Variants in TTC33 observed in about 807,000 individuals in gnomAD.
The protein encoded by TTC33 is tetratricopeptide repeat protein 33.
A neutral mutation model predicts 29.4 loss-of-function variants in TTC33; 24 were observed. That is an observed-to-expected ratio of 0.82 (90% CI 0.59 to 1.15). TTC33 has a LOEUF of 1.15. Ranked by LOEUF, TTC33 falls within the 50% of genes most tolerant of loss-of-function variation. The pLI is 0.00. For missense variants in TTC33, 286 were observed against 310.4 expected (o/e 0.92, Z 0.59); for synonymous variants, 107 against 100.3 (o/e 1.07, Z -0.40).
intron 4 of TTC33, among the ~76,000 whole-genome samples, chr5:40,722,216 T>C (rs768412344): frequency 2.3e-4 from 35 of 151,466 alleles, no homozygotes; most frequent in African/African-American, 7.5e-4. Flanking sequence ...ACTCGCTCAC[T>C]CAGTGCTCAA....
Position 40,713,341 on chromosome 5 carries a change from T to C in TTC33, c.*2804A>G, listed in dbSNP as rs1277155280. On this transcript the variant is annotated 3_prime_UTR_variant, in exon 5 of 5. Transcript: ENST00000337702. ...CAAGCTTTTGAATCATTATGTAATTTTCAAACAACTAAAAGGGCTATACTG... is the reference window on the plus strand; with the variant it reads ...CAAGCTTTTGAATCATTATGTAATTCTCAAACAACTAAAAGGGCTATACTG... Among the ~76,000 whole-genome samples the C allele has an allele frequency of 6.6e-6, 1 of 152,156 alleles. No individual in the cohort carries two copies. The highest frequency in any genetic ancestry group is 1.9e-4 in the East Asian group (1 of 5,192).
chr5:40,750,288 G>A (rs930415238), intron 1 of TTC33, among the ~76,000 whole-genome samples: 8 of 151,406 alleles, frequency 5.3e-5, no homozygotes, highest in African/African-American at 9.7e-5. Context: ...AGACAACAGC[G>A]GTCAGGCATG....
chr5:40,713,406 TTTAAAAAATC>T lies in TTC33; in HGVS notation c.*2729_*2738del, dbSNP rs1579663785. Among the ~76,000 whole-genome samples, 1 of 152,178 alleles carries T rather than the reference TTTAAAAAATC, an allele frequency of 6.6e-6. No homozygotes were observed. Among genetic ancestry groups the T allele is most frequent in the East Asian group, 1.9e-4 (1 of 5,204 alleles). On this transcript the variant is annotated 3_prime_UTR_variant, in exon 5 of 5. Transcript: ENST00000337702. ...TAAAAATTCTAGCTGAGACAGAGCTTTTAAAAAATCTTTATAGTTTTACCATACGGCATCA... is the reference window on the plus strand; with the variant it reads ...TAAAAATTCTAGCTGAGACAGAGCTTTTTATAGTTTTACCATACGGCATCA...
chr5:40,750,697 G>A (rs1579694328), intron 1 of TTC33, among the ~76,000 whole-genome samples: 1 of 152,222 alleles, frequency 6.6e-6, no homozygotes. Flanking sequence ...AATTAGAGTC[G>A]ATACTGTCAA....
chr5:40,745,084 T>C (rs1244872988), intron 2 of TTC33, among the ~76,000 whole-genome samples: 1 of 152,166 alleles, frequency 6.6e-6, no homozygotes, highest in African/African-American at 2.4e-5. Flanking sequence ...GTCTGGACTC[T>C]TCCAATAGTC....
chr5:40,747,972 G>C (rs1439011142), intron 1 of TTC33, among the ~76,000 whole-genome samples: 1 of 142,310 alleles, frequency 7.0e-6, no homozygotes, highest in Non-Finnish European at 1.6e-5. Flanking sequence ...ATTATAGGCA[G>C]GCACCACCAC....
At chr5:40,734,594 C>T (rs1742505593) in intron 2 of TTC33, among the ~76,000 whole-genome samples, 1 of 152,130 alleles carries the variant, frequency 6.6e-6, no homozygotes. Flanking sequence ...ACTCATTTAC[C>T]AAATAGAAAT....
At position 40,752,995 on chromosome 5, in the gene TTC33, G is replaced by T. The variant is rs925955990; in HGVS notation, c.-2+2829C>A. On this transcript the variant is annotated intron_variant, in intron 1 of 4. Coordinates refer to ENST00000337702, the MANE Select transcript of TTC33 (RefSeq NM_012382.3). ...AGACCTACCGTAATGGCAGAATTTG[G>T]AGGGGTAAGAAAATTGTGAGTCGTA... 3.3e-5 allele frequency among the ~76,000 whole-genome samples: 5 copies of T among 152,314 alleles called. No individual in the cohort carries two copies. In the South Asian group the frequency reaches 1.0e-3, roughly 32 times the overall value.
intron 2 of TTC33, among the ~76,000 whole-genome samples, chr5:40,742,762 G>A (rs935315734): frequency 2.0e-5 from 3 of 152,180 alleles, no homozygotes; most frequent in African/African-American, 7.2e-5. Context: ...GGAGGAGGGT[G>A]AGAAAATTTT....
At chr5:40,725,123 C>T (rs1436234807) in intron 4 of TTC33, among the ~76,000 whole-genome samples, 1 of 151,586 alleles carries the variant, frequency 6.6e-6, no homozygotes, top group African/African-American at 2.4e-5. Context: ...GCTGGGATTA[C>T]AGGCATGAGC....
At chr5:40,753,050 T>C (rs1742923994) in intron 1 of TTC33, among the ~76,000 whole-genome samples, 1 of 151,784 alleles carries the variant, frequency 6.6e-6, no homozygotes, top group Admixed American at 6.6e-5. Context: ...TATGAGAGAG[T>C]GCCAATAAAT....
chr5:40,743,470 G>A (rs967936347), intron 2 of TTC33, among the ~76,000 whole-genome samples: 6 of 152,120 alleles, frequency 3.9e-5, no homozygotes, highest in African/African-American at 1.2e-4. Context: ...ATCAAGTTTA[G>A]TAGCCTCTTA....
intron 2 of TTC33, among the ~76,000 whole-genome samples, chr5:40,734,444 C>G (rs994519193): frequency 6.6e-6 from 1 of 152,154 alleles, no homozygotes; most frequent in East Asian, 1.9e-4. Context: ...TAAGGACAAT[C>G]TTAACAGTAT....
At chr5:40,728,747 G>A (rs1422547032) in intron 3 of TTC33, among the ~76,000 whole-genome samples, 1 of 152,060 alleles carries the variant, frequency 6.6e-6, no homozygotes, top group Non-Finnish European at 1.5e-5. Flanking sequence ...TAACTATGGT[G>A]GCTCAGAGGT....
rs541922262 is a variant in TTC33, at chr5:40,746,323, C to G, written c.221+475G>C. The stretch of plus-strand genomic sequence containing the variant: ...ATGAAGCTATTATCAACTTCCTGTA[C>G]AGCAAGTCATATTTACTTAAGTATA... On this transcript the variant is annotated intron_variant, in intron 2 of 4. Coordinates refer to ENST00000337702, the MANE Select transcript of TTC33 (RefSeq NM_012382.3). Among the ~76,000 whole-genome samples, 134 of 152,136 alleles carry G rather than the reference C, an allele frequency of 8.8e-4. 1 individual carries two copies. The highest frequency in any genetic ancestry group is 1.7e-3 in the Non-Finnish European group (119 of 68,014).
At chr5:40,718,873 C>G (rs1019994227) in intron 4 of TTC33, among the ~76,000 whole-genome samples, 1 of 152,018 alleles carries the variant, frequency 6.6e-6, no homozygotes, top group Non-Finnish European at 1.5e-5. Context: ...TGCACTCCAG[C>G]CTGAGCAACA....
At chr5:40,724,632 C>CA (rs1284692757) in intron 4 of TTC33, among the ~76,000 whole-genome samples, 3 of 149,146 alleles carry the variant, frequency 2.0e-5, no homozygotes, top group African/African-American at 4.9e-5. Context: ...GACTCCATCT[C>CA]AAAAAAACAA....
At chr5:40,747,752 G>GTTAA (rs1742823503) in intron 1 of TTC33, among the ~76,000 whole-genome samples, 1 of 152,134 alleles carries the variant, frequency 6.6e-6, no homozygotes, top group South Asian at 2.1e-4. Context: ...AATTAAGAGA[G>GTTAA]ACTTAAGAGA....
chr5:40,743,307 GT>G (rs1219875831), intron 2 of TTC33, among the ~76,000 whole-genome samples: 1 of 152,146 alleles, frequency 6.6e-6, no homozygotes, highest in Non-Finnish European at 1.5e-5. Context: ...ATAGCACAAA[GT>G]TGTATAATAA....
Sources: allele counts gnomAD v4.1 joint callset (sites outside exome capture counted in the v4.1 genomes callset), GRCh38; gene constraint gnomAD v4.1.1; transcripts MANE v1.5; gene names NCBI Gene and HGNC (gene_info 2026-07-23, HGNC 2026-07-21).